Variants in ASTN2 observed in about 807,000 individuals in gnomAD.
ASTN2 encodes the protein astrotactin-2.
ASTN2 carries 54 observed loss-of-function variants against 139.8 expected under a neutral mutation model. The observed-to-expected ratio is 0.39, with a 90% CI of 0.31 to 0.48. The LOEUF (loss-of-function observed/expected upper bound fraction) is 0.48, where lower values mean the gene tolerates loss of function less well. Among genes scored for constraint, ASTN2 ranks in the 20% least tolerant of loss-of-function variants. The pLI is 0.95. For synonymous variants in ASTN2, 756 were observed against 719.5 expected (o/e 1.05, Z -0.81); for missense variants, 1,565 against 1,725.1 (o/e 0.91, Z 1.64).
chr9:116,624,024 TCTGTA>T (rs907911570), intron 17 of ASTN2, among the ~76,000 whole-genome samples: 4 of 152,138 alleles, frequency 2.6e-5, no homozygotes, highest in Admixed American at 2.6e-4. Flanking sequence ...AGAAACAAAT[TCTGTA>T]CTTAATGGCT....
intron 20 of ASTN2, among the ~76,000 whole-genome samples, chr9:116,472,516 C>T (rs1267194569): frequency 1.3e-5 from 2 of 152,114 alleles, no homozygotes; most frequent in Non-Finnish European, 2.9e-5. Flanking sequence ...CAGTCTCAGC[C>T]ATAAGACTTT....
intron 10 of ASTN2, among the ~76,000 whole-genome samples, chr9:116,890,074 C>A (rs543282796): frequency 3.3e-4 from 50 of 152,324 alleles, no homozygotes; most frequent in African/African-American, 1.2e-3. Flanking sequence ...TATTGATCAA[C>A]ATTTCAGAGG....
At chr9:117,250,535 C>A (rs946366367) in intron 2 of ASTN2, among the ~76,000 whole-genome samples, 2 of 152,132 alleles carry the variant, frequency 1.3e-5, no homozygotes, top group Non-Finnish European at 2.9e-5. Flanking sequence ...ATTATTTGAT[C>A]TTGCCTTCTA....
chr9:116,591,624 G>A lies in ASTN2; in HGVS notation c.3355+26700C>T, dbSNP rs1188636884. 2.0e-5 allele frequency among the ~76,000 whole-genome samples: 3 copies of A among 152,338 alleles called. No individual in the cohort carries two copies. The East Asian group carries it at 5.8e-4, about 29-fold the overall frequency. On this transcript the variant is annotated intron_variant, in intron 19 of 22. Transcript: ENST00000313400. ...TCCTGTAGTGTGATAAGCATGGGAA[G>A]CTAGAAAAAAACAGAATGCATATTG...
At chr9:116,432,899 C>A (rs1375323915) in intron 22 of ASTN2, among the ~76,000 whole-genome samples, 1 of 151,912 alleles carries the variant, frequency 6.6e-6, no homozygotes, top group Non-Finnish European at 1.5e-5. Flanking sequence ...CACTGCACTC[C>A]AGCCTGGGTG....
intron 1 of ASTN2, among the ~76,000 whole-genome samples, chr9:117,398,581 G>T (rs1412036792): frequency 6.6e-6 from 1 of 152,134 alleles, no homozygotes; most frequent in Non-Finnish European, 1.5e-5. Context: ...ACTTCAGAAT[G>T]ACCTTGGACA....
intron 5 of ASTN2, among the ~76,000 whole-genome samples, chr9:117,042,956 C>T (rs1302976594): frequency 1.3e-5 from 2 of 152,034 alleles, no homozygotes; most frequent in South Asian, 2.1e-4. Context: ...TTGCAATTTC[C>T]GCCTCCTGGG....
intron 1 of ASTN2, among the ~76,000 whole-genome samples, chr9:117,323,522 G>A (rs1384587193): frequency 2.0e-5 from 3 of 152,078 alleles, no homozygotes; most frequent in Non-Finnish European, 4.4e-5. Flanking sequence ...TCTGGCAATG[G>A]CTTTACTCCA....
intron 1 of ASTN2, among the ~76,000 whole-genome samples, chr9:117,308,977 T>C (rs1422536708): frequency 6.6e-6 from 1 of 152,206 alleles, no homozygotes; most frequent in Non-Finnish European, 1.5e-5. Flanking sequence ...TCCCCTTCCA[T>C]AAGTCAGCTT....
chr9:117,340,033 A>G (rs981705967), intron 1 of ASTN2, among the ~76,000 whole-genome samples: 1 of 152,014 alleles, frequency 6.6e-6, no homozygotes, highest in African/African-American at 2.4e-5. Flanking sequence ...GACAGGGAGA[A>G]CAAATGACAG....
At chr9:117,262,397 T>TTTC (rs1554713361) in intron 2 of ASTN2, among the ~76,000 whole-genome samples, 3 of 123,514 alleles carry the variant, frequency 2.4e-5, no homozygotes, top group South Asian at 5.0e-4. Flanking sequence ...CTGTTTCTTT[T>TTTC]TTTATTTATT....
At chr9:116,607,969 A>T (rs1454645381) in intron 19 of ASTN2, among the ~76,000 whole-genome samples, 1 of 152,210 alleles carries the variant, frequency 6.6e-6, no homozygotes, top group African/African-American at 2.4e-5. Context: ...TCAAACAAAC[A>T]AACAAAAAAA....
At chr9:117,228,233 A>G (rs1407678402) in intron 2 of ASTN2, among the ~76,000 whole-genome samples, 1 of 152,126 alleles carries the variant, frequency 6.6e-6, no homozygotes, top group Non-Finnish European at 1.5e-5. Flanking sequence ...TTTGTTAAAG[A>G]GAGGGACTCC....
intron 5 of ASTN2, among the ~76,000 whole-genome samples, chr9:117,091,799 A>G (rs1828713443): frequency 6.6e-6 from 1 of 152,098 alleles, no homozygotes; most frequent in Admixed American, 6.5e-5. Flanking sequence ...ACAAAAGGAA[A>G]GCATTGAAAG....
In ASTN2 at chr9:117,176,866, G is replaced by T. The variant is rs142246435; in HGVS notation, c.1016-35388C>A. 1.4e-4 allele frequency among the ~76,000 whole-genome samples: 21 copies of T among 152,264 alleles called. No individual in the cohort carries two copies. The South Asian group carries it at 1.5e-3, about 11-fold the overall frequency. ...AGATTGCTTGAGCCTATGAGTTGCA[G>T]TGAGCTATGATCACACCACTGCACT... On this transcript the variant is annotated intron_variant, in intron 3 of 22. Transcript: ENST00000313400.
intron 19 of ASTN2, among the ~76,000 whole-genome samples, chr9:116,497,623 G>A (rs184044414): frequency 1.4e-3 from 213 of 152,196 alleles, no homozygotes; most frequent in Non-Finnish European, 2.1e-3. Flanking sequence ...AAAAGCCCTC[G>A]TCATCCCCAC....
intron 5 of ASTN2, among the ~76,000 whole-genome samples, chr9:117,045,949 G>C (rs1049115615): frequency 1.3e-5 from 2 of 148,754 alleles, no homozygotes; most frequent in Non-Finnish European, 3.0e-5. Context: ...AAAGAGGCTG[G>C]GCTTTTGTAT....
chr9:117,134,339 C>CACAT (rs1248375154), intron 4 of ASTN2, among the ~76,000 whole-genome samples: 166 of 139,190 alleles, frequency 1.2e-3, no homozygotes, highest in African/African-American at 2.3e-3. Context: ...CACACACACA[C>CACAT]GCCTGTGTTC....
At chr9:116,925,266 C>T (rs974914421) in intron 10 of ASTN2, among the ~76,000 whole-genome samples, 9 of 152,252 alleles carry the variant, frequency 5.9e-5, no homozygotes, top group Admixed American at 5.9e-4. Flanking sequence ...TTCAGTGTCT[C>T]CTATGTGCTA....
Sources: gnomAD v4.1 joint callset for allele counts (sites outside exome capture counted in the v4.1 genomes callset) on GRCh38, gnomAD v4.1.1 for gene constraint, MANE v1.5 for transcripts, NCBI Gene and HGNC (gene_info 2026-07-23, HGNC 2026-07-21) for gene names.